NEBL: variants seen among roughly 807,000 people sequenced by gnomAD.
NEBL encodes nebulette.
NEBL carries 122 observed loss-of-function variants against 140.2 expected under a neutral mutation model. That is an observed-to-expected ratio of 0.87 (90% CI 0.75 to 1.01). The LOEUF is 1.01. Ranked by LOEUF, NEBL falls within the 50% of genes least tolerant of loss-of-function variation. The pLI, the probability that NEBL is intolerant of heterozygous loss-of-function variation, is 0.00. For synonymous variants in NEBL, 436 were observed against 398.9 expected (o/e 1.09, Z -1.11); for missense variants, 1,365 against 1,231.3 (o/e 1.11, Z -1.62).
chr10:20,848,491 C>T (rs1311021390), intron 11 of NEBL, among the ~76,000 whole-genome samples: 3 of 152,184 alleles, frequency 2.0e-5, no homozygotes, highest in Non-Finnish European at 4.4e-5. Flanking sequence ...CCAATATCAA[C>T]CATGGCCAGT....
intron 1 of NEBL, among the ~76,000 whole-genome samples, chr10:21,252,477 T>C (rs1327114316): frequency 6.6e-6 from 1 of 152,200 alleles, no homozygotes; most frequent in Non-Finnish European, 1.5e-5. Context: ...TAATTTTAGG[T>C]GAATTAGTTT....
intron 2 of NEBL, chr10:21,030,231 G>C (rs1833723723): frequency 1.9e-6 from 1 of 539,470 alleles, no homozygotes; most frequent in Non-Finnish European, 3.4e-6. Flanking sequence ...CCAAGCTGGC[G>C]AAGTGAAGAA....
chr10:20,889,365 G>A (rs1846818163), intron 3 of NEBL, among the ~76,000 whole-genome samples: 1 of 152,162 alleles, frequency 6.6e-6, no homozygotes, highest in South Asian at 2.1e-4. Flanking sequence ...AGGTATCACT[G>A]TTGAACTGAA....
chr10:21,243,916 CG>C (rs1842477125), intron 3 of NEBL, among the ~76,000 whole-genome samples: 5 of 108,512 alleles, frequency 4.6e-5, no homozygotes, highest in Non-Finnish European at 8.8e-5. Context: ...GGAAGGAAGG[CG>C]AAAGGGAAAG....
chr10:21,116,529 G>A (rs1265149896), intron 2 of NEBL, among the ~76,000 whole-genome samples: 1 of 152,116 alleles, frequency 6.6e-6, no homozygotes, highest in Non-Finnish European at 1.5e-5. Context: ...TGGTAAAGAT[G>A]AGGAGGGTCA....
chr10:21,029,279 C>T, intron 2 of NEBL: 1 of 1,602,316 alleles, frequency 6.2e-7, no homozygotes, highest in Non-Finnish European at 8.5e-7. Context: ...CCCAAATCGC[C>T]ACCCTACACT....
chr10:20,828,950 G>A (rs1390783592), intron 16 of NEBL, among the ~76,000 whole-genome samples: 2 of 152,092 alleles, frequency 1.3e-5, no homozygotes, highest in African/African-American at 4.8e-5. Context: ...TCCACTAAAT[G>A]AGCTACTATG....
At chr10:20,994,554 C>A (rs1383645252) in intron 3 of NEBL, among the ~76,000 whole-genome samples, 1 of 152,054 alleles carries the variant, frequency 6.6e-6, no homozygotes, top group African/African-American at 2.4e-5. Context: ...AACAGTTGAC[C>A]CTTGAAGAAT....
At chr10:21,203,646 A>G (rs1841778448) in intron 3 of NEBL, among the ~76,000 whole-genome samples, 1 of 152,238 alleles carries the variant, frequency 6.6e-6, no homozygotes, top group African/African-American at 2.4e-5. Flanking sequence ...GGCTTTTGCA[A>G]CAGGTCTGAA....
intron 2 of NEBL, among the ~76,000 whole-genome samples, chr10:21,024,984 G>C (rs1286818700): frequency 1.3e-5 from 2 of 152,176 alleles, no homozygotes; most frequent in Non-Finnish European, 2.9e-5. Flanking sequence ...AAAAGATTGT[G>C]AAAGGTCTTC....
intron 3 of NEBL, among the ~76,000 whole-genome samples, chr10:20,985,282 T>C (rs1041922700): frequency 6.6e-6 from 1 of 152,096 alleles, no homozygotes; most frequent in African/African-American, 2.4e-5. Flanking sequence ...TGCCCTTCAA[T>C]CTCAAACAGA....
intron 19 of NEBL, among the ~76,000 whole-genome samples, chr10:20,822,554 T>A (rs1004638228): frequency 6.6e-6 from 1 of 151,482 alleles, no homozygotes; most frequent in Non-Finnish European, 1.5e-5. Context: ...TAACTAGATA[T>A]AGAAAGACTA....
rs76168516 is a variant in NEBL at position 21,017,665 on chromosome 10, G to A, written c.249+2452C>T. Among the ~76,000 whole-genome samples, 1,267 of 152,222 alleles carry A rather than the reference G, an allele frequency of 8.3e-3. 21 individuals carry two copies. The highest frequency in any genetic ancestry group is 0.073 in the East Asian group (379 of 5,180). On this transcript the variant is annotated intron_variant, in intron 3 of 6. Coordinates refer to the NEBL transcript ENST00000417816. The stretch of plus-strand genomic sequence containing the variant: ...TGCTTGCTCCTGGAATGCACTGAAG[G>A]CATCTATAACCACTAACTGAGCCCA...
chr10:20,790,540 G>A (rs971810692), intron 26 of NEBL, among the ~76,000 whole-genome samples: 4 of 150,752 alleles, frequency 2.7e-5, no homozygotes, highest in African/African-American at 9.8e-5. Context: ...GGAGGAGGTT[G>A]CAATGAACCG....
chr10:21,037,159 C>G (rs1178579875), intron 2 of NEBL, among the ~76,000 whole-genome samples: 1 of 151,934 alleles, frequency 6.6e-6, no homozygotes, highest in East Asian at 1.9e-4. Context: ...TGCTATTCAG[C>G]CTCCTCTTTG....
intron 4 of NEBL, among the ~76,000 whole-genome samples, chr10:20,917,482 G>T (rs942876929): frequency 1.3e-5 from 2 of 152,082 alleles, no homozygotes; most frequent in African/African-American, 4.8e-5. Context: ...ACTGTTCAGG[G>T]GATGTCTATT....
intron 3 of NEBL, among the ~76,000 whole-genome samples, chr10:20,968,090 G>C (rs77428179): frequency 1.3e-5 from 2 of 152,020 alleles, no homozygotes; most frequent in African/African-American, 4.8e-5. Flanking sequence ...AAGTTAAATC[G>C]GCCACTCTGA....
intron 2 of NEBL, among the ~76,000 whole-genome samples, chr10:21,085,246 T>C (rs1297660801): frequency 6.6e-6 from 1 of 152,244 alleles, no homozygotes; most frequent in Non-Finnish European, 1.5e-5. Context: ...TCTGAGATTT[T>C]ACTAAGTCAT....
chr10:20,917,389 A>G (rs141796433), intron 4 of NEBL, among the ~76,000 whole-genome samples: 1 of 152,324 alleles, frequency 6.6e-6, no homozygotes, highest in African/African-American at 2.4e-5. Context: ...AGAATTTTTC[A>G]TCTTTTTCAC....
Sources: gnomAD v4.1 joint callset for allele counts (sites outside exome capture counted in the v4.1 genomes callset) on GRCh38, gnomAD v4.1.1 for gene constraint, MANE v1.5 for transcripts, NCBI Gene and HGNC (gene_info 2026-07-23, HGNC 2026-07-21) for gene names.